Variants in PTPRN2 observed in about 807,000 individuals in gnomAD.
PTPRN2 encodes receptor-type tyrosine-protein phosphatase N2.
Under a neutral mutation model 118.8 loss-of-function variants are expected in PTPRN2, and 74 were observed. That is an observed-to-expected ratio of 0.62 (90% confidence interval 0.52 to 0.76). PTPRN2 has a LOEUF of 0.76. Ranked by LOEUF, PTPRN2 falls within the 30% of genes least tolerant of loss-of-function variation. The probability of loss-of-function intolerance (pLI) is 0.00; values close to 1 mark genes in which losing one functional copy is unlikely to be tolerated. For synonymous variants in PTPRN2, 641 were observed against 608.0 expected (o/e 1.05, Z -0.80); for missense variants, 1,481 against 1,394.4 (o/e 1.06, Z -0.99).
In PTPRN2 at chr7:158,020,728, C is replaced by T. The variant is rs1035164105; in HGVS notation, c.1723+60570G>A. 5.9e-5 allele frequency among the ~76,000 whole-genome samples: 9 copies of T among 152,276 alleles called. No homozygotes were observed. The East Asian group carries it at 7.7e-4, about 13-fold the overall frequency. ...ATTATGGTAGAAACTGATACAGAAA[C>T]GGAATAGGTAAGAAAGACAAAAGTA... On this transcript the variant is annotated intron_variant, in intron 11 of 22. Coordinates refer to ENST00000389418, the MANE Select transcript of PTPRN2 (RefSeq NM_002847.5).
In PTPRN2 at chr7:158,167,068, G is replaced by A. The variant is rs749405090; in HGVS notation, c.773C>T (p.Pro258Leu). The A allele has an allele frequency of 2.5e-6, 4 of 1,594,760 alleles. No homozygotes were observed. The South Asian group carries it at 3.4e-5, about 13-fold the overall frequency. Reference sequence around the variant, plus strand: ...CTGTGGCTCCAGGCTGCCCTCCCCGGGGGGAGCTGGGGGCCTCTGGGCAGC... The same window carrying A: ...CTGTGGCTCCAGGCTGCCCTCCCCGAGGGGAGCTGGGGGCCTCTGGGCAGC... Reference protein sequence around the residue: ...AYAAQRPPAPPGEGSLEPQYL... With the variant: ...AYAAQRPPAPLGEGSLEPQYL... The change falls in exon 6 of 23, where the codon CCC (proline) becomes CTC (leucine). Residue 258 changes from proline to leucine, a missense_variant. By Grantham distance (98) the Pro-to-Leu change is moderately conservative. Around this residue, in one of 3 missense-constraint regions of PTPRN2, gnomAD observed 1,115 missense variants for 994.2 expected, o/e 1.12. Transcript: ENST00000389418.
rs3752368 is a variant in PTPRN2 at position 158,138,399 on chromosome 7, C to A, written c.1027G>T (p.Val343Leu). The change falls in exon 7 of 23, where the codon GTG (valine) becomes TTG (leucine). Residue 343 changes from valine (V) to leucine (L), a missense_variant. Physicochemically the swap from Val to Leu is conservative, Grantham distance 32 (BLOSUM62 1). Around this residue, in one of 3 missense-constraint regions of PTPRN2, gnomAD observed 1,115 missense variants for 994.2 expected, o/e 1.12. Transcript: ENST00000389418. ...AELMAGLMQGVDHGVARGSPG... is the reference protein window; with the variant it reads ...AELMAGLMQGLDHGVARGSPG... The stretch of plus-strand genomic sequence containing the variant: ...CTGCCTCGAGCTACTCCATGGTCCA[C>A]GCCTTGCATCAGGCCAGCCATCAGC... The A allele has an allele frequency of 1.2e-6, 2 of 1,613,696 alleles. No individual in the cohort carries two copies. The highest frequency in any genetic ancestry group is 4.5e-5 in the East Asian group (2 of 44,850).
chr7:158,539,779 C>CT, intron 1 of PTPRN2: 1 of 250,468 alleles, frequency 4.0e-6, no homozygotes, highest in Non-Finnish European at 7.8e-6. Flanking sequence ...CACTGTGAGC[C>CT]TGGAGCTGGT....
At position 157,744,103 on chromosome 7, in the gene PTPRN2, TC is replaced by T. The variant is rs1800786991; in HGVS notation, c.1789-61167del. Reference sequence around the variant, plus strand: ...TCATGCTTTCTGTTTTTATGGGAAGTCCTAATTCAACACATGTTTCCTGAGG... The same window carrying T: ...TCATGCTTTCTGTTTTTATGGGAAGTCTAATTCAACACATGTTTCCTGAGG... On this transcript the variant is annotated intron_variant, in intron 12 of 22. Transcript: ENST00000389418. Among the ~76,000 whole-genome samples, 3 of 152,298 alleles carry T rather than the reference TC, an allele frequency of 2.0e-5. 1 individual carries two copies. In the South Asian group the frequency reaches 6.2e-4, roughly 32 times the overall value.
At chr7:158,105,128 A>G (rs1815569876) in intron 10 of PTPRN2, among the ~76,000 whole-genome samples, 1 of 149,282 alleles carries the variant, frequency 6.7e-6, no homozygotes, top group South Asian at 2.1e-4. Context: ...ATCATACTCC[A>G]TCCCAGCTCC....
chr7:157,742,228 G>T (rs1800676331), intron 12 of PTPRN2, among the ~76,000 whole-genome samples: 3 of 152,220 alleles, frequency 2.0e-5, no homozygotes. Context: ...TGGAGAACAG[G>T]TGACTGGGGT....
chr7:157,715,960 G>A (rs57678875), intron 12 of PTPRN2, among the ~76,000 whole-genome samples: 12,315 of 152,274 alleles, frequency 0.081, 1,010 homozygotes, highest in African/African-American at 0.21. Context: ...GGGGTTCCAC[G>A]CTCTGATCTG....
Position 157,593,013 on chromosome 7 carries a change from C to T in PTPRN2, c.2496+2225G>A, listed in dbSNP as rs13243040. Among the ~76,000 whole-genome samples, 22 of 124,834 alleles carry T rather than the reference C, an allele frequency of 1.8e-4. 1 individual carries two copies. The highest frequency in any genetic ancestry group is 6.5e-4 in the African/African-American group (21 of 32,120). The allele number at this position is 124,834 out of a possible 152,430, so 81.9% of individuals were successfully genotyped here. ...GGATGCCGAGAGGCTTCACGCAGGA[C>T]GGAGGGTGGATGTGGCACCTGCTGA... On this transcript the variant is annotated intron_variant, in intron 17 of 22. Transcript: ENST00000389418.
chr7:158,233,024 G>A (rs1398124964), intron 3 of PTPRN2, among the ~76,000 whole-genome samples: 1 of 152,166 alleles, frequency 6.6e-6, no homozygotes, highest in Non-Finnish European at 1.5e-5. Context: ...AGCAAGACAA[G>A]GATGTTCACT....
intron 12 of PTPRN2, among the ~76,000 whole-genome samples, chr7:157,701,115 G>A (rs1484289493): frequency 6.6e-6 from 1 of 152,100 alleles, no homozygotes; most frequent in East Asian, 1.9e-4. Context: ...AGAAACCGTG[G>A]AATTCATGCA....
chr7:158,212,872 C>A (rs1328621318), intron 3 of PTPRN2, among the ~76,000 whole-genome samples: 1 of 152,022 alleles, frequency 6.6e-6, no homozygotes, highest in African/African-American at 2.4e-5. Flanking sequence ...ATCCGGGAGC[C>A]AATTACATTA....
chr7:158,543,111 G>T (rs777079810), intron 1 of PTPRN2, among the ~76,000 whole-genome samples: 3 of 152,234 alleles, frequency 2.0e-5, no homozygotes, highest in Non-Finnish European at 2.9e-5. Flanking sequence ...TGAAGAAAAG[G>T]TCTTCTGCTT....
At chr7:157,574,457 C>T (rs1799912766) in intron 19 of PTPRN2, 1 of 523,080 alleles carries the variant, frequency 1.9e-6, no homozygotes, top group African/African-American at 1.9e-5. Flanking sequence ...GTCCGTTTTA[C>T]CGTGAGCAGC....
At chr7:157,762,764 AAAG>A (rs925115312) in intron 12 of PTPRN2, among the ~76,000 whole-genome samples, 3 of 152,116 alleles carry the variant, frequency 2.0e-5, no homozygotes, top group Admixed American at 6.5e-5. Flanking sequence ...AAAAGAGAAA[AAAG>A]AAAAAACTTT....
chr7:158,013,702 C>CCCAT (rs1274474758), intron 11 of PTPRN2, among the ~76,000 whole-genome samples: 5 of 146,866 alleles, frequency 3.4e-5, no homozygotes, highest in East Asian at 4.1e-4. Flanking sequence ...CACCCACCCA[C>CCCAT]CCATCCATCC....
At chr7:158,383,539 A>G (rs1811116345) in intron 2 of PTPRN2, among the ~76,000 whole-genome samples, 1 of 152,228 alleles carries the variant, frequency 6.6e-6, no homozygotes, top group Non-Finnish European at 1.5e-5. Flanking sequence ...ATGGAACCAA[A>G]GACTTTAAAT....
At chr7:157,967,983 A>C (rs1335275007) in intron 11 of PTPRN2, among the ~76,000 whole-genome samples, 1 of 152,166 alleles carries the variant, frequency 6.6e-6, no homozygotes. Context: ...TTAGTAACAT[A>C]CCTTTGGACA....
chr7:158,419,771 A>G (rs192029783), intron 2 of PTPRN2, among the ~76,000 whole-genome samples: 1 of 152,264 alleles, frequency 6.6e-6, no homozygotes, highest in Non-Finnish European at 1.5e-5. Context: ...CGGACTCAGA[A>G]GCTCACACGT....
At chr7:158,327,627 C>T (rs554644024) in intron 2 of PTPRN2, among the ~76,000 whole-genome samples, 1 of 152,352 alleles carries the variant, frequency 6.6e-6, no homozygotes, top group Admixed American at 6.5e-5. Flanking sequence ...AAGGAGCCCT[C>T]ACCAGCCTGG....
Sources: allele counts gnomAD v4.1 joint callset (sites outside exome capture counted in the v4.1 genomes callset), GRCh38; gene constraint gnomAD v4.1.1; regional missense constraint gnomAD v4.1.1; transcripts MANE v1.5; gene names NCBI Gene and HGNC (gene_info 2026-07-23, HGNC 2026-07-21).